Variants in NRXN1 observed in about 807,000 individuals in gnomAD.
The protein encoded by NRXN1 is neurexin 1, also known as neurexin-1.
Under a neutral mutation model 150.9 loss-of-function variants are expected in NRXN1, and 39 were observed. The observed-to-expected ratio is 0.26, with a 90% CI of 0.20 to 0.34. NRXN1 has a LOEUF of 0.34. Among genes scored for constraint, NRXN1 ranks in the 10% least tolerant of loss-of-function variants. The pLI, the probability that NRXN1 is intolerant of heterozygous loss-of-function variation, is 1.00. For missense variants in NRXN1, 1,815 were observed against 1,949.9 expected, an observed-to-expected ratio of 0.93 and a Z score of 1.30; for synonymous variants, 924 against 757.0, an observed-to-expected ratio of 1.22 and a Z score of -3.62.
At chr2:50,585,489 TA>T (rs1672953823) in intron 8 of NRXN1, among the ~76,000 whole-genome samples, 1 of 152,146 alleles carries the variant, frequency 6.6e-6, no homozygotes, top group Non-Finnish European at 1.5e-5. Flanking sequence ...AATTATATAC[TA>T]AAAAATGGTC....
At chr2:50,563,094 T>C (rs892395136) in intron 8 of NRXN1, among the ~76,000 whole-genome samples, 1 of 152,206 alleles carries the variant, frequency 6.6e-6, no homozygotes, top group Non-Finnish European at 1.5e-5. Flanking sequence ...TAAATGACCA[T>C]AACTTATAAA....
At position 50,388,515 on chromosome 2, in the gene NRXN1, G is replaced by A. The variant is rs373028178; in HGVS notation, c.3364+76927C>T. ...TCTTTATTGCCCTGTATACAAACCA[G>A]GGTTTGGCTTTCCTGTATCCTGACA... is the stretch of plus-strand genomic sequence containing the variant. On this transcript the variant is annotated intron_variant, in intron 17 of 22. Coordinates refer to ENST00000401669, the MANE Select transcript of NRXN1 (RefSeq NM_001330078.2). Among the ~76,000 whole-genome samples, 13 of 152,164 alleles carry A rather than the reference G, an allele frequency of 8.5e-5. No homozygotes were observed. The East Asian group carries it at 1.2e-3, about 14-fold the overall frequency.
At chr2:50,364,837 A>G (rs948751628) in intron 17 of NRXN1, among the ~76,000 whole-genome samples, 6 of 152,048 alleles carry the variant, frequency 3.9e-5, no homozygotes, top group African/African-American at 1.4e-4. Flanking sequence ...TGTACTGTTA[A>G]ATCAAAGTTT....
At chr2:49,980,358 A>G (rs1679792762) in intron 21 of NRXN1, among the ~76,000 whole-genome samples, 1 of 152,136 alleles carries the variant, frequency 6.6e-6, no homozygotes, top group African/African-American at 2.4e-5. Flanking sequence ...CCTTGGGACC[A>G]TATTGGAGTT....
chr2:50,715,137 G>T (rs994251246), intron 5 of NRXN1, among the ~76,000 whole-genome samples: 1 of 152,156 alleles, frequency 6.6e-6, no homozygotes, highest in Middle Eastern at 3.4e-3. Flanking sequence ...TACTCTTTCT[G>T]TCATCCACTC....
At chr2:50,042,307 T>A (rs1403854391) in intron 21 of NRXN1, among the ~76,000 whole-genome samples, 7 of 152,198 alleles carry the variant, frequency 4.6e-5, no homozygotes, top group African/African-American at 9.6e-5. Context: ...GGGAGGTAAC[T>A]GAATCAGGGA....
intron 8 of NRXN1, among the ~76,000 whole-genome samples, chr2:50,591,497 G>C (rs538230553): frequency 6.6e-6 from 1 of 152,228 alleles, no homozygotes; most frequent in Non-Finnish European, 1.5e-5. Flanking sequence ...AAAGGAAAAA[G>C]TAAGCCAAAC....
chr2:50,919,349 A>C (rs1008029943), intron 5 of NRXN1: 13 of 151,784 alleles, frequency 8.6e-5, no homozygotes, highest in African/African-American at 3.1e-4. Flanking sequence ...AGGTTATCAA[A>C]AGGCATGTTC....
intron 2 of NRXN1, among the ~76,000 whole-genome samples, chr2:51,016,410 A>G (rs1668668762): frequency 1.3e-5 from 2 of 152,206 alleles, no homozygotes; most frequent in Non-Finnish European, 2.9e-5. Context: ...CAAACTTACA[A>G]GAACAAAACA....
At chr2:50,195,047 T>C (rs921465039) in intron 18 of NRXN1, among the ~76,000 whole-genome samples, 1 of 152,182 alleles carries the variant, frequency 6.6e-6, no homozygotes, top group African/African-American at 2.4e-5. Flanking sequence ...TCTGTGCCCA[T>C]TGACAGAGCA....
intron 2 of NRXN1, among the ~76,000 whole-genome samples, chr2:50,981,363 C>CA (rs1696764133): frequency 7.1e-6 from 1 of 140,452 alleles, no homozygotes; most frequent in Non-Finnish European, 1.5e-5. Context: ...GAGGCTGAGG[C>CA]AGGAGAGTTA....
At chr2:50,799,084 C>G (rs1707236838) in intron 5 of NRXN1, among the ~76,000 whole-genome samples, 1 of 152,190 alleles carries the variant, frequency 6.6e-6, no homozygotes, top group Non-Finnish European at 1.5e-5. Flanking sequence ...ATATGTGTAT[C>G]TACCATCTAT....
intron 18 of NRXN1, among the ~76,000 whole-genome samples, chr2:50,132,996 C>G (rs1038608537): frequency 2.0e-5 from 3 of 151,892 alleles, no homozygotes; most frequent in African/African-American, 7.3e-5. Context: ...CATTATACTT[C>G]GTTTGGGTGT....
intron 18 of NRXN1, among the ~76,000 whole-genome samples, chr2:50,134,533 C>T (rs999573818): frequency 6.6e-6 from 1 of 152,076 alleles, no homozygotes; most frequent in African/African-American, 2.4e-5. Flanking sequence ...TGATACAATT[C>T]AGGTTAAGTG....
At chr2:50,278,067 C>CTTTTTT (rs548030464) in intron 17 of NRXN1, among the ~76,000 whole-genome samples, 4 of 75,748 alleles carry the variant, frequency 5.3e-5, no homozygotes, top group African/African-American at 1.7e-4. Context: ...TTCTCTCTCT[C>CTTTTTT]TTTTTTTTTT....
At chr2:50,958,194 G>C (rs893333011) in intron 2 of NRXN1, among the ~76,000 whole-genome samples, 5 of 151,980 alleles carry the variant, frequency 3.3e-5, no homozygotes, top group Non-Finnish European at 7.4e-5. Flanking sequence ...TGTGGTCAAG[G>C]GAACGAGAGA....
chr2:50,938,673 C>T (rs1255907600), intron 2 of NRXN1, among the ~76,000 whole-genome samples: 38 of 152,144 alleles, frequency 2.5e-4, no homozygotes, highest in Admixed American at 2.5e-3. Context: ...TTCTGCATGG[C>T]TGAGGATGTC....
intron 5 of NRXN1, among the ~76,000 whole-genome samples, chr2:50,843,317 CT>C (rs1673146755): frequency 6.6e-6 from 1 of 152,076 alleles, no homozygotes; most frequent in Non-Finnish European, 1.5e-5. Flanking sequence ...GAATTTAAAC[CT>C]GAACAGAAGG....
intron 5 of NRXN1, among the ~76,000 whole-genome samples, chr2:50,787,613 G>T (rs1705320224): frequency 6.7e-6 from 1 of 150,182 alleles, no homozygotes; most frequent in African/African-American, 2.4e-5. Flanking sequence ...ACAAAAACAA[G>T]AAAACAGAAA....
Sources: allele counts gnomAD v4.1 joint callset (sites outside exome capture counted in the v4.1 genomes callset), GRCh38; gene constraint gnomAD v4.1.1; transcripts MANE v1.5; gene names NCBI Gene and HGNC (gene_info 2026-07-23, HGNC 2026-07-21).